The following NSMCE2 variants were observed in gnomAD, a reference collection of about 807,000 sequenced individuals.
NSMCE2 encodes the protein NSE2 SUMO ligase component of SMC5/6 complex.
Under a neutral mutation model 23.8 loss-of-function variants are expected in NSMCE2, and 24 were observed. The observed-to-expected ratio is 1.01, with a 90% CI of 0.73 to 1.42. NSMCE2 has a LOEUF of 1.42. Among genes scored for constraint, NSMCE2 ranks in the 40% most tolerant of loss-of-function variants. NSMCE2 has a pLI of 0.00. For synonymous variants in NSMCE2, 92 were observed against 94.1 expected (o/e 0.98, Z 0.13); for missense variants, 284 against 296.5 (o/e 0.96, Z 0.31).
At chr8:125,182,003 C>A (rs1459526486) in intron 4 of NSMCE2, 100 bp from the exon 5 acceptor site, 2 of 896,366 alleles carry the variant, frequency 2.2e-6, no homozygotes, top group Non-Finnish European at 3.5e-6. Flanking sequence ...ACCTCACTAT[C>A]TTTTGCTTTG....
intron 1 of NSMCE2, among the ~76,000 whole-genome samples, chr8:125,097,676 C>A (rs1252451398): frequency 6.6e-6 from 1 of 152,064 alleles, no homozygotes; most frequent in Non-Finnish European, 1.5e-5. Context: ...CTTTTTTCAA[C>A]TTCATAGTAC....
chr8:125,290,786 A>T (rs557978746), intron 5 of NSMCE2, among the ~76,000 whole-genome samples: 45 of 148,968 alleles, frequency 3.0e-4, no homozygotes, highest in African/African-American at 1.1e-3. Context: ...AGTTAGACAG[A>T]CAACTCCTAC....
At chr8:125,364,007 A>G (rs1418773113) in intron 7 of NSMCE2, among the ~76,000 whole-genome samples, 1 of 152,046 alleles carries the variant, frequency 6.6e-6, no homozygotes, top group African/African-American at 2.4e-5. Flanking sequence ...GCAATGGTGC[A>G]ATCTTGGCTC....
At chr8:125,206,310 G>A (rs965199918) in intron 5 of NSMCE2, among the ~76,000 whole-genome samples, 4 of 152,196 alleles carry the variant, frequency 2.6e-5, no homozygotes, top group Non-Finnish European at 5.9e-5. Context: ...GTTACTTGTT[G>A]CCTTGAATAG....
chr8:125,121,750 G>A (rs1819273595), intron 3 of NSMCE2, among the ~76,000 whole-genome samples: 3 of 152,106 alleles, frequency 2.0e-5, no homozygotes, highest in Admixed American at 6.5e-5. Flanking sequence ...TGCCTTATGT[G>A]TATTCATTCA....
In NSMCE2 at chr8:125,316,661, T is replaced by TA. The variant is rs1829200209; in HGVS notation, c.419-40558_419-40557insA. On this transcript the variant is annotated intron_variant, in intron 5 of 7. Transcript: ENST00000287437. The stretch of plus-strand genomic sequence containing the variant: ...TTATTTCCTTCTTTCCTTCTTTCCT[T>TA]CCTTCCTTCTTTCCTTCCTTCTTAT... Among the ~76,000 whole-genome samples the TA allele has an allele frequency of 8.5e-5, 7 of 82,364 alleles. No individual in the cohort carries two copies. The Admixed American group carries it at 1.1e-3, about 12-fold the overall frequency. The allele number at this position is 82,364 out of a possible 152,430, so 54.0% of individuals were successfully genotyped here. A position where few individuals can be genotyped will look rare whatever the true frequency, so the allele number is the denominator to read the frequency against.
intron 5 of NSMCE2, among the ~76,000 whole-genome samples, chr8:125,229,008 G>A (rs1825212816): frequency 6.6e-6 from 1 of 152,086 alleles, no homozygotes; most frequent in Admixed American, 6.5e-5. Flanking sequence ...AAACTGTTAG[G>A]GTGTTGGGAC....
intron 3 of NSMCE2, among the ~76,000 whole-genome samples, chr8:125,111,915 G>A (rs1272560639): frequency 6.6e-6 from 1 of 152,154 alleles, no homozygotes; most frequent in Non-Finnish European, 1.5e-5. Flanking sequence ...TTTTCACTGT[G>A]TTGTGATATA....
At chr8:125,352,617 ACTTT>A (rs1206725993) in intron 5 of NSMCE2, among the ~76,000 whole-genome samples, 1 of 152,168 alleles carries the variant, frequency 6.6e-6, no homozygotes, top group Non-Finnish European at 1.5e-5. Context: ...CAAAACCTAC[ACTTT>A]CTTTGTATCT....
intron 5 of NSMCE2, among the ~76,000 whole-genome samples, chr8:125,239,146 G>A (rs1825667986): frequency 1.3e-5 from 2 of 152,114 alleles, no homozygotes. Context: ...GAGCCACTCT[G>A]GATGTAAGAT....
chr8:125,110,801 C>G (rs907489651), intron 3 of NSMCE2, among the ~76,000 whole-genome samples: 15 of 23,204 alleles, frequency 6.5e-4, no homozygotes, highest in Non-Finnish European at 1.3e-3. Flanking sequence ...ATAATGTTAT[C>G]TGATTTTTTT....
intron 7 of NSMCE2, among the ~76,000 whole-genome samples, chr8:125,362,269 C>T (rs1813594181): frequency 6.6e-6 from 1 of 152,224 alleles, no homozygotes; most frequent in African/African-American, 2.4e-5. Context: ...AGCACTGTGG[C>T]ATGATGGCCT....
intron 5 of NSMCE2, among the ~76,000 whole-genome samples, chr8:125,315,240 A>AG (rs1207360747): frequency 6.6e-6 from 1 of 152,084 alleles, no homozygotes; most frequent in Non-Finnish European, 1.5e-5. Flanking sequence ...TACCAAACAG[A>AG]GTAGTGTATG....
At chr8:125,301,352 T>C (rs1342104658) in intron 5 of NSMCE2, among the ~76,000 whole-genome samples, 1 of 152,194 alleles carries the variant, frequency 6.6e-6, no homozygotes, top group African/African-American at 2.4e-5. Context: ...TAGAATGCAG[T>C]GGCTCATGGT....
At chr8:125,139,480 T>G (rs374625317) in intron 3 of NSMCE2, among the ~76,000 whole-genome samples, 6 of 152,188 alleles carry the variant, frequency 3.9e-5, no homozygotes, top group Non-Finnish European at 8.8e-5. Flanking sequence ...GAGGTTTAAT[T>G]GACTCACAGT....
chr8:125,160,123 A>G (rs1421898879), intron 4 of NSMCE2, among the ~76,000 whole-genome samples: 1 of 152,188 alleles, frequency 6.6e-6, no homozygotes, highest in Admixed American at 6.5e-5. Context: ...AGAGTAAGGG[A>G]AAAGAGTCTT....
chr8:125,126,254 G>A (rs1231231202), intron 3 of NSMCE2, among the ~76,000 whole-genome samples: 1 of 151,704 alleles, frequency 6.6e-6, no homozygotes, highest in Non-Finnish European at 1.5e-5. Flanking sequence ...CATGGTGGTG[G>A]GTGCCTACTA....
chr8:125,209,126 C>T (rs889725281), intron 5 of NSMCE2, among the ~76,000 whole-genome samples: 3 of 152,074 alleles, frequency 2.0e-5, no homozygotes, highest in Non-Finnish European at 4.4e-5. Flanking sequence ...TTTCTATCGT[C>T]AGCTATTTGT....
In NSMCE2 at chr8:125,326,403, GTGTGTGTGTATTTGTAGATATGTA is replaced by G. The variant is rs1307191599; in HGVS notation, c.419-30806_419-30783del. On this transcript the variant is annotated intron_variant, in intron 5 of 7. Transcript: ENST00000287437. ...GTAAAAATAGGCATTATATATATGTGTGTGTGTGTATTTGTAGATATGTATGTGTGTGTCTATTTACATATATGT... is the reference window on the plus strand; with the variant it reads ...GTAAAAATAGGCATTATATATATGTGTGTGTGTGTCTATTTACATATATGT... 1.5e-3 allele frequency among the ~76,000 whole-genome samples: 221 copies of G among 152,278 alleles called. 2 individuals are homozygous for G. Among genetic ancestry groups the G allele is most frequent in the African/African-American group, 5.1e-3 (211 of 41,560 alleles).
Sources: allele counts gnomAD v4.1 joint callset (sites outside exome capture counted in the v4.1 genomes callset), GRCh38; gene constraint gnomAD v4.1.1; transcripts MANE v1.5; gene names NCBI Gene and HGNC (gene_info 2026-07-23, HGNC 2026-07-21).